SAMD12: variants seen among roughly 807,000 people sequenced by gnomAD.
The protein encoded by SAMD12 is sterile alpha motif domain-containing protein 12.
Under a neutral mutation model 15.0 loss-of-function variants are expected in SAMD12, and 9 were observed. The observed-to-expected ratio is 0.60, with a 90% CI of 0.36 to 1.05. The LOEUF is 1.05. Among genes scored for constraint, SAMD12 ranks in the 50% least tolerant of loss-of-function variants. SAMD12 has a pLI of 0.01. For synonymous variants in SAMD12, 86 were observed against 90.1 expected (o/e 0.96, Z 0.25); for missense variants, 230 against 234.2 (o/e 0.98, Z 0.12).
At chr8:118,288,075 A>G (rs889051929) in intron 4 of SAMD12, among the ~76,000 whole-genome samples, 1 of 152,234 alleles carries the variant, frequency 6.6e-6, no homozygotes, top group Non-Finnish European at 1.5e-5. Context: ...GCCTATGAGC[A>G]GTAAATTTTT....
intron 4 of SAMD12, among the ~76,000 whole-genome samples, chr8:118,210,026 T>A (rs1259021796): frequency 6.6e-6 from 1 of 152,264 alleles, no homozygotes; most frequent in Non-Finnish European, 1.5e-5. Context: ...CTTGCTGCTA[T>A]GCAGCACTTA....
At chr8:118,360,337 G>A (rs1038319993) in intron 4 of SAMD12, among the ~76,000 whole-genome samples, 5 of 152,024 alleles carry the variant, frequency 3.3e-5, no homozygotes, top group Admixed American at 2.0e-4. Flanking sequence ...GGGACCAATC[G>A]ACTCCCAGTA....
chr8:118,598,124 A>G (rs1156442702), intron 1 of SAMD12, among the ~76,000 whole-genome samples: 1 of 152,220 alleles, frequency 6.6e-6, no homozygotes, highest in Non-Finnish European at 1.5e-5. Context: ...AAGGTCTGAT[A>G]TGCATGTGTA....
chr8:118,230,858 C>T (rs554864751), intron 4 of SAMD12, among the ~76,000 whole-genome samples: 46 of 152,188 alleles, frequency 3.0e-4, no homozygotes, highest in South Asian at 2.1e-4. Context: ...GGAACCCAAT[C>T]GAGTGGGCTT....
chr8:118,307,214 C>G (rs745895737), intron 4 of SAMD12, among the ~76,000 whole-genome samples: 4 of 152,214 alleles, frequency 2.6e-5, no homozygotes, highest in Non-Finnish European at 4.4e-5. Context: ...ATACATAAAT[C>G]TCACCTATAC....
intron 4 of SAMD12, among the ~76,000 whole-genome samples, chr8:118,347,125 C>T (rs976897658): frequency 2.0e-5 from 3 of 152,162 alleles, no homozygotes; most frequent in African/African-American, 4.8e-5. Flanking sequence ...GACAGGGTCT[C>T]GCTGTGTAGC....
intron 4 of SAMD12, among the ~76,000 whole-genome samples, chr8:118,238,673 C>T (rs1812490730): frequency 6.6e-6 from 1 of 152,134 alleles, no homozygotes; most frequent in African/African-American, 2.4e-5. Context: ...GGAAAGGACA[C>T]ATGCAAGAGA....
intron 4 of SAMD12, among the ~76,000 whole-genome samples, chr8:118,336,387 C>T (rs973169538): frequency 6.6e-6 from 1 of 152,154 alleles, no homozygotes; most frequent in African/African-American, 2.4e-5. Context: ...TCTTTTGAGT[C>T]TATGATTTTT....
At chr8:118,530,758 A>G (rs1825662698) in intron 2 of SAMD12, among the ~76,000 whole-genome samples, 1 of 152,054 alleles carries the variant, frequency 6.6e-6, no homozygotes, top group South Asian at 2.1e-4. Context: ...TGGGGTTTTA[A>G]TAACAAATTA....
At chr8:118,272,252 C>T (rs1813375056) in intron 4 of SAMD12, among the ~76,000 whole-genome samples, 1 of 152,242 alleles carries the variant, frequency 6.6e-6, no homozygotes, top group African/African-American at 2.4e-5. Context: ...GGCTTACACC[C>T]TCTTAAGCAA....
At chr8:118,541,212 G>A (rs1825975946) in intron 2 of SAMD12, among the ~76,000 whole-genome samples, 1 of 152,008 alleles carries the variant, frequency 6.6e-6, no homozygotes, top group South Asian at 2.1e-4. Context: ...GAGGCAACTG[G>A]GGCTCTGAGT....
intron 4 of SAMD12, among the ~76,000 whole-genome samples, chr8:118,303,351 A>G (rs1466570438): frequency 1.3e-5 from 2 of 152,214 alleles, no homozygotes; most frequent in Non-Finnish European, 2.9e-5. Flanking sequence ...AGGTTCTTAT[A>G]AACAAGAACA....
chr8:118,350,269 G>A (rs1203392215), intron 4 of SAMD12, among the ~76,000 whole-genome samples: 1 of 152,224 alleles, frequency 6.6e-6, no homozygotes, highest in East Asian at 1.9e-4. Context: ...ATAGTAGGGA[G>A]TGGCAGAACT....
chr8:118,344,710 G>A (rs1001669962), intron 4 of SAMD12, among the ~76,000 whole-genome samples: 2 of 152,206 alleles, frequency 1.3e-5, no homozygotes, highest in African/African-American at 2.4e-5. Context: ...TGAGGGCAGG[G>A]ACTTGTTTTA....
intron 4 of SAMD12, among the ~76,000 whole-genome samples, chr8:118,294,021 T>C (rs1814567245): frequency 6.6e-6 from 1 of 152,220 alleles, no homozygotes; most frequent in African/African-American, 2.4e-5. Context: ...CTGACTTAGC[T>C]TAGCAGAACT....
chr8:118,484,992 G>C (rs1824237225), intron 2 of SAMD12, among the ~76,000 whole-genome samples: 1 of 152,214 alleles, frequency 6.6e-6, no homozygotes, highest in African/African-American at 2.4e-5. Flanking sequence ...CTTGTGGGTG[G>C]TCCTGACCAC....
At chr8:118,329,519 G>A (rs570206132) in intron 4 of SAMD12, among the ~76,000 whole-genome samples, 2 of 152,262 alleles carry the variant, frequency 1.3e-5, no homozygotes, top group South Asian at 4.2e-4. Context: ...TCAAAGGTCT[G>A]GAGTGCATCT....
At chr8:118,517,348 T>C (rs757839726) in intron 2 of SAMD12, among the ~76,000 whole-genome samples, 7 of 152,222 alleles carry the variant, frequency 4.6e-5, no homozygotes, top group Non-Finnish European at 1.0e-4. Flanking sequence ...AAAATTATTT[T>C]ACTGCTCTAT....
At chr8:118,189,287 C>T (rs1328283773), downstream of SAMD12, among the ~76,000 whole-genome samples, 1 of 152,108 alleles carries the variant, frequency 6.6e-6, no homozygotes, top group African/African-American at 2.4e-5. Context: ...AGAAACACAG[C>T]ATAATTGAGG....
Sources: gnomAD v4.1 joint callset for allele counts (sites outside exome capture counted in the v4.1 genomes callset) on GRCh38, gnomAD v4.1.1 for gene constraint, MANE v1.5 for transcripts, NCBI Gene and HGNC (gene_info 2026-07-23, HGNC 2026-07-21) for gene names.